FMNL3: variants seen among roughly 807,000 people sequenced by gnomAD.
FMNL3 encodes formin-like protein 3.
A neutral mutation model predicts 119.6 loss-of-function variants in FMNL3; 57 were observed. The ratio of observed to expected loss-of-function variants is 0.48; its 90% CI spans 0.39 to 0.59. The LOEUF (loss-of-function observed/expected upper bound fraction) is 0.59, where lower values mean the gene tolerates loss of function less well. Among genes scored for constraint, FMNL3 ranks in the 20% least tolerant of loss-of-function variants. The pLI is 0.00. For missense variants in FMNL3, 1,053 were observed against 1,323.5 expected (o/e 0.80, Z 3.17); for synonymous variants, 491 against 507.3 (o/e 0.97, Z 0.43).
chr12:49,705,553 C>T (rs1353088596), intron 1 of FMNL3, among the ~76,000 whole-genome samples: 2 of 152,142 alleles, frequency 1.3e-5, no homozygotes, highest in Non-Finnish European at 2.9e-5. Flanking sequence ...ATTTTCACAC[C>T]CCCACCAGAG....
chr12:49,642,358 A>G lies in FMNL3; in HGVS notation c.*3457T>C, dbSNP rs1565851048. On this transcript the variant is annotated 3_prime_UTR_variant, in exon 26 of 26. Transcript: ENST00000335154. This position sits in a 1 kb window ranked among gnomAD's most constrained non-coding sequence, Gnocchi z 5.8. ...GGCTGTGCCTGCTCTGGAGCTAGGCACTGCCTGGGAAGAGGTCAGGAGCGT... is the reference window on the plus strand; with the variant it reads ...GGCTGTGCCTGCTCTGGAGCTAGGCGCTGCCTGGGAAGAGGTCAGGAGCGT... 15 of 1,613,838 alleles carry G rather than the reference A, an allele frequency of 9.3e-6. No individual in the cohort carries two copies. The highest frequency in any genetic ancestry group is 1.7e-4 in the Middle Eastern group (1 of 6,014).
chr12:49,651,435 G>C lies in FMNL3; in HGVS notation c.1619C>G (p.Ala540Gly), dbSNP rs774329995. The C allele has an allele frequency of 6.7e-7, 1 of 1,484,232 alleles. No homozygotes were observed. Among genetic ancestry groups the C allele is most frequent in the African/African-American group, 1.4e-5 (1 of 71,284 alleles). 91.9% of individuals were successfully genotyped at this position (1,484,232 alleles called of 1,614,324 possible). A position where few individuals can be genotyped will look rare whatever the true frequency, so the allele number is the denominator to read the frequency against. ...PPPLPDKCPP[A>G]PPLPGAAPSV... Reference sequence around the variant, plus strand: ...GGGTGCAGCACCAGGGAGAGGTGGGGCTGGGGGACACTTGTCTGGGGGAAG... The same window carrying C: ...GGGTGCAGCACCAGGGAGAGGTGGGCCTGGGGGACACTTGTCTGGGGGAAG... Residue 540 changes from alanine to glycine, a missense_variant, in exon 15 of 26, where the codon GCC (alanine) becomes GGC (glycine). Coordinates refer to ENST00000335154, the MANE Select transcript of FMNL3 (RefSeq NM_175736.5).
chr12:49,669,693 G>A lies in FMNL3; in HGVS notation c.127-1139C>T, dbSNP rs1943990112. 1.3e-5 allele frequency among the ~76,000 whole-genome samples: 2 copies of A among 152,180 alleles called. 1 individual carries two copies. Among genetic ancestry groups the A allele is most frequent in the Non-Finnish European group, 2.9e-5 (2 of 68,032 alleles). On this transcript the variant is annotated intron_variant, in intron 1 of 25. Coordinates refer to ENST00000335154, the MANE Select transcript of FMNL3 (RefSeq NM_175736.5). ...CCAAAAATACAAAAATTAGATGGGTGCAGTAGCGCACACCTGTAATCCCAG... is the reference window on the plus strand; with the variant it reads ...CCAAAAATACAAAAATTAGATGGGTACAGTAGCGCACACCTGTAATCCCAG...
At chr12:49,683,497 C>G (rs1222610141) in intron 1 of FMNL3, among the ~76,000 whole-genome samples, 1 of 152,122 alleles carries the variant, frequency 6.6e-6, no homozygotes, top group Non-Finnish European at 1.5e-5. Flanking sequence ...TCTAATCAGC[C>G]ATCAAAAATT....
intron 1 of FMNL3, among the ~76,000 whole-genome samples, chr12:49,691,032 C>A (rs1196473998): frequency 2.0e-5 from 3 of 152,172 alleles, no homozygotes; most frequent in African/African-American, 4.8e-5. Flanking sequence ...GACAGTAAGA[C>A]CCTGTCTGAA....
chr12:49,648,980 G>C, intron 21 of FMNL3, 49 bp downstream of exon 21: 1 of 1,545,008 alleles, frequency 6.5e-7, no homozygotes, highest in South Asian at 1.3e-5. Flanking sequence ...TCCTGGGATT[G>C]TCCTGGGCTG....
At chr12:49,680,200 G>T (rs115301389) in intron 1 of FMNL3, among the ~76,000 whole-genome samples, 2,248 of 152,358 alleles carry the variant, frequency 0.015, 59 homozygotes, top group African/African-American at 0.052. Flanking sequence ...CTAGGGCCCA[G>T]CTCTGGCTTT....
At chr12:49,665,024 C>T (rs922029830) in intron 4 of FMNL3, among the ~76,000 whole-genome samples, 4 of 152,044 alleles carry the variant, frequency 2.6e-5, no homozygotes, top group African/African-American at 9.7e-5. Context: ...TTCTACATCA[C>T]GTGTCCCTCA....
At chr12:49,692,034 CAAAAAAAAAAAAA>C (rs773991970) in intron 1 of FMNL3, among the ~76,000 whole-genome samples, 3 of 23,134 alleles carry the variant, frequency 1.3e-4, no homozygotes, top group East Asian at 1.9e-3. Context: ...GACTCCATCT[CAAAAAAAAAAAAA>C]AAAAAAAAAA....
intron 1 of FMNL3, among the ~76,000 whole-genome samples, chr12:49,695,778 C>T (rs1944734071): frequency 6.6e-6 from 1 of 151,494 alleles, no homozygotes; most frequent in African/African-American, 2.4e-5. Context: ...TACAAAAATT[C>T]TGTTATGAAA....
In FMNL3 at chr12:49,638,345, A is replaced by G. The variant is rs546134014; in HGVS notation, c.*7470T>C. 9.2e-4 allele frequency: 141 copies of G among 154,060 alleles called. 1 individual carries two copies. Among genetic ancestry groups the G allele is most frequent in the Non-Finnish European group, 1.7e-3 (119 of 69,218 alleles). The allele number at this position is 154,060 out of a possible 1,614,324, so 9.5% of individuals were successfully genotyped here. A position where few individuals can be genotyped will look rare whatever the true frequency, so the allele number is the denominator to read the frequency against. On this transcript the variant is annotated 3_prime_UTR_variant, in exon 26 of 26. Coordinates refer to ENST00000335154, the MANE Select transcript of FMNL3 (RefSeq NM_175736.5). ...TCTGAATCTTTAGCTTCTCTTGTCAATATGGATTATCTAGCAGTACTGAGC... is the reference window on the plus strand; with the variant it reads ...TCTGAATCTTTAGCTTCTCTTGTCAGTATGGATTATCTAGCAGTACTGAGC...
At position 49,654,425 on chromosome 12, in the gene FMNL3, G is replaced by A. The variant is rs1943507305; in HGVS notation, c.961-123C>T. 5 of 698,004 alleles carry A rather than the reference G, an allele frequency of 7.2e-6. No individual in the cohort carries two copies. In the South Asian group the frequency reaches 9.0e-5, roughly 13 times the overall value. The allele number at this position is 698,004 out of a possible 1,614,324, so 43.2% of individuals were successfully genotyped here. ...GGATAATTACAGGGAGTCAATTAAA[G>A]AGTTAAGTCTTTATGGGGGCAATAA... On this transcript the variant is annotated intron_variant, in intron 10 of 25. Coordinates refer to ENST00000335154, the MANE Select transcript of FMNL3 (RefSeq NM_175736.5).
Position 49,646,886 on chromosome 12 carries a change from C to T in FMNL3, c.2995G>A (p.Gly999Ser), listed in dbSNP as rs1157686294. The change falls in exon 25 of 26, where the codon GGC (glycine) becomes AGC (serine). Residue 999 changes from glycine (G) to serine (S), a missense_variant and splice_region_variant. Transcript: ENST00000335154. ...KDGTIEDIIT[G>S]LHCQPMVVRH... ...CCCCAGGGAGTGAAAAGGGCCCCAC[C>T]TGTGATGATGTCCTCGATGGTACCA... 7 of 1,613,940 alleles carry T rather than the reference C, an allele frequency of 4.3e-6. No individual in the cohort carries two copies. The highest frequency in any genetic ancestry group is 5.9e-6 in the Non-Finnish European group (7 of 1,179,902).
intron 1 of FMNL3, among the ~76,000 whole-genome samples, chr12:49,686,588 A>G (rs1944469311): frequency 6.6e-6 from 1 of 151,140 alleles, no homozygotes; most frequent in African/African-American, 2.4e-5. Flanking sequence ...CAAAAAAAAA[A>G]AAAAAAAAAA....
Position 49,672,910 on chromosome 12 carries a change from C to T in FMNL3, c.127-4356G>A, listed in dbSNP as rs78424209. Among the ~76,000 whole-genome samples the T allele has an allele frequency of 7.0e-3, 1,066 of 152,326 alleles. 5 individuals carry two copies. Among genetic ancestry groups the T allele is most frequent in the Non-Finnish European group, 0.013 (857 of 68,034 alleles). ...TTTGTTGGTCCCTATCATGATAAATCTTAGGAACAGAGACCAAAATGGCAT... is the reference window on the plus strand; with the variant it reads ...TTTGTTGGTCCCTATCATGATAAATTTTAGGAACAGAGACCAAAATGGCAT... On this transcript the variant is annotated intron_variant, in intron 1 of 25. Transcript: ENST00000335154.
chr12:49,652,552 C>T (rs1196595422), intron 13 of FMNL3, among the ~76,000 whole-genome samples: 1 of 152,186 alleles, frequency 6.6e-6, no homozygotes, highest in Non-Finnish European at 1.5e-5. Flanking sequence ...CTCTCCATAA[C>T]CCTTTGGGCC....
chr12:49,695,283 T>C (rs1159906620), intron 1 of FMNL3, among the ~76,000 whole-genome samples: 2 of 152,182 alleles, frequency 1.3e-5, no homozygotes, highest in Non-Finnish European at 2.9e-5. Context: ...ACTAGTGTTA[T>C]CGGTTTTATT....
At chr12:49,652,297 C>G in intron 13 of FMNL3, 85 bp from the exon 14 acceptor site, 1 of 1,498,388 alleles carries the variant, frequency 6.7e-7, no homozygotes, top group Non-Finnish European at 8.9e-7. Flanking sequence ...ACCCAGGGTT[C>G]TCTTAACGAG....
rs752936156 is a variant in FMNL3 at position 49,656,415 on chromosome 12, T to C, written c.874A>G (p.Asn292Asp). The C allele has an allele frequency of 6.2e-7, 1 of 1,613,810 alleles. No homozygotes were observed. Among genetic ancestry groups the C allele is most frequent in the Non-Finnish European group, 8.5e-7 (1 of 1,179,880 alleles). ...GCGAAAAGACTGACCTCTTTGAAAT[T>C]GTCAAAGGCAGCAAGGATGATTTCG... is the stretch of plus-strand genomic sequence containing the variant. ...GHEIILAAFD[N>D]FKEVCKELHR... The change falls in exon 9 of 26, where the codon AAT (asparagine) becomes GAT (aspartate). Residue 292 changes from asparagine (N) to aspartate (D), a missense_variant. Asn to Asp is a conservative substitution (Grantham distance 23). This residue lies in a region of FMNL3 where 445 missense variants were observed against 628.4 expected (regional missense o/e 0.71). Transcript: ENST00000335154.
Sources: gnomAD v4.1 joint callset for allele counts (sites outside exome capture counted in the v4.1 genomes callset) on GRCh38, gnomAD v4.1.1 for gene constraint, gnomAD v4.1.1 regional missense constraint, Gnocchi (gnomAD v3.1) non-coding constraint, MANE v1.5 for transcripts, NCBI Gene and HGNC (gene_info 2026-07-23, HGNC 2026-07-21) for gene names.